Variants in SHANK1 observed in about 807,000 individuals in gnomAD.
SHANK1 encodes the protein SH3 and multiple ankyrin repeat domains protein 1.
Under a neutral mutation model 165.6 loss-of-function variants are expected in SHANK1, and 35 were observed. The observed-to-expected ratio is 0.21, with a 90% CI of 0.16 to 0.28. The LOEUF is 0.28. Ranked by LOEUF, SHANK1 falls within the 10% of genes least tolerant of loss-of-function variation. The probability of loss-of-function intolerance (pLI) is 1.00; values close to 1 mark genes in which losing one functional copy is unlikely to be tolerated. For synonymous variants in SHANK1, 1,428 were observed against 1,384.8 expected, an observed-to-expected ratio of 1.03 and a Z score of -0.69; for missense variants, 2,681 against 3,036.4, an observed-to-expected ratio of 0.88 and a Z score of 2.75.
chr19:50,711,363 A>C lies in SHANK1; in HGVS notation c.1077+8T>G. On this transcript the variant is annotated splice_region_variant and intron_variant, in intron 8 of 23. Transcript: ENST00000293441. ...TGAGGGGCCTGGGGTGGCCGCTGCT[A>C]GGCAGACCTTGTTGTAGAGGGCGCA... 6.5e-7 allele frequency: 1 copy of C among 1,550,254 alleles called. No homozygotes were observed. The highest frequency in any genetic ancestry group is 1.2e-5 in the South Asian group (1 of 84,078).
At chr19:50,687,146 G>A (rs530871351) in intron 19 of SHANK1, 2 of 622,674 alleles carry the variant, frequency 3.2e-6, no homozygotes, top group African/African-American at 2.0e-5. Flanking sequence ...CGGGGTGGGG[G>A]CGGTCAGCTG....
In SHANK1 at chr19:50,660,727, G is replaced by GGGT. The variant is rs1985171618; in HGVS notation, c.*1237_*1238insACC. On this transcript the variant is annotated 3_prime_UTR_variant, in exon 24 of 24. Coordinates refer to ENST00000293441, the MANE Select transcript of SHANK1 (RefSeq NM_016148.5). ...CCGGAGAGCACTGAAAATGCTGGGG[G>GGGT]GGGGGGCGCGTGTGCAAAAGCAAGT... 7.0e-6 allele frequency among the ~76,000 whole-genome samples: 1 copy of GGGT among 143,330 alleles called. No individual in the cohort carries two copies. Among genetic ancestry groups the GGGT allele is most frequent in the Non-Finnish European group, 1.5e-5 (1 of 65,746 alleles). 94.0% of individuals were successfully genotyped at this position (143,330 alleles called of 152,430 possible).
chr19:50,707,555 T>G (rs944864047), intron 8 of SHANK1, among the ~76,000 whole-genome samples: 93 of 123,382 alleles, frequency 7.5e-4, no homozygotes, highest in Admixed American at 7.6e-4. Context: ...CAACCTGGCC[T>G]TCTTCTTCCT....
At chr19:50,689,080 A>AC (rs1321111795) in intron 16 of SHANK1, 112 bp from the exon 17 acceptor site, 26 of 1,106,308 alleles carry the variant, frequency 2.4e-5, no homozygotes, top group Non-Finnish European at 3.5e-5. Flanking sequence ...AGGGACCAGC[A>AC]CCCCGGGGTG....
rs777740266 is a variant in SHANK1 at position 50,667,317 on chromosome 19, G to A, written c.4643C>T (p.Pro1548Leu). Residue 1548 changes from proline to leucine, a missense_variant, in exon 23 of 24, where the codon CCG becomes CTG. Physicochemically the swap from Pro to Leu is moderately conservative, Grantham distance 98. This residue lies in a region of SHANK1 where 1,713 missense variants were observed against 1,630.2 expected (regional missense o/e 1.05). Coordinates refer to ENST00000293441, the MANE Select transcript of SHANK1 (RefSeq NM_016148.5). The surrounding 1 kb of genome is among the most constrained non-coding windows in gnomAD (Gnocchi z 5.7). The part of the protein sequence containing the change: ...EENGLPLLVL[P>L]PPAPSVDVED... ...CACATCCACCGAGGGGGCGGGAGGC[G>A]GCAGGACCAGCAGGGGCAGCCCGTT... 1.3e-6 allele frequency: 2 copies of A among 1,587,502 alleles called. No homozygotes were observed. Among genetic ancestry groups the A allele is most frequent in the East Asian group, 2.2e-5 (1 of 44,602 alleles).
At chr19:50,700,356 G>A (rs988246822) in intron 12 of SHANK1, among the ~76,000 whole-genome samples, 2 of 150,400 alleles carry the variant, frequency 1.3e-5, no homozygotes, top group Non-Finnish European at 3.0e-5. Flanking sequence ...TGGAGGGCTC[G>A]GGGCATAGGA....
chr19:50,704,058 T>C, intron 10 of SHANK1, 62 bp downstream of exon 10: 2 of 1,527,754 alleles, frequency 1.3e-6, no homozygotes, highest in Non-Finnish European at 1.8e-6. Flanking sequence ...AACTCCCCCA[T>C]CCCACCATGA....
rs1985758571 is a variant in SHANK1 at position 50,670,698 on chromosome 19, C to T, written c.2674+1320G>A. Among the ~76,000 whole-genome samples, 1 of 152,186 alleles carries T rather than the reference C, an allele frequency of 6.6e-6. No homozygotes were observed. The highest frequency in any genetic ancestry group is 2.1e-4 in the South Asian group (1 of 4,826). On this transcript the variant is annotated intron_variant, in intron 22 of 23. Coordinates refer to ENST00000293441, the MANE Select transcript of SHANK1 (RefSeq NM_016148.5). The surrounding 1 kb of genome is among the most constrained non-coding windows in gnomAD (Gnocchi z 4.1). Reference sequence around the variant, plus strand: ...TTCTGTAAACGCACCAGACTCAGCCCGACCTCAGGACCTTTGCAGAGGTAG... The same window carrying T: ...TTCTGTAAACGCACCAGACTCAGCCTGACCTCAGGACCTTTGCAGAGGTAG...
intron 23 of SHANK1, among the ~76,000 whole-genome samples, chr19:50,663,428 C>T (rs1169519495): frequency 2.0e-5 from 3 of 152,210 alleles, no homozygotes; most frequent in African/African-American, 7.2e-5. Flanking sequence ...CTGGCTCACT[C>T]TTGCCCTGGG....
chr19:50,695,040 C>G (rs1986687730), intron 15 of SHANK1, among the ~76,000 whole-genome samples: 2 of 147,202 alleles, frequency 1.4e-5, no homozygotes, highest in African/African-American at 4.9e-5. Context: ...ACAAAGCCAT[C>G]GCCGCCGCGG....
At chr19:50,698,573 C>T (rs1163874192) in intron 12 of SHANK1, among the ~76,000 whole-genome samples, 1 of 141,742 alleles carries the variant, frequency 7.1e-6, no homozygotes, top group Admixed American at 7.0e-5. Context: ...CTGCCTGTTA[C>T]ATGCCTGCTG....
At chr19:50,674,031 G>A (rs1355204658) in intron 21 of SHANK1, among the ~76,000 whole-genome samples, 2 of 151,394 alleles carry the variant, frequency 1.3e-5, no homozygotes, top group African/African-American at 2.4e-5. Flanking sequence ...GGGCTCCAGC[G>A]ATCCTCCCAC....
Position 50,666,206 on chromosome 19 carries a change from G to C in SHANK1, c.5754C>G (p.Ser1918=). Residue 1918 remains serine (S), a synonymous_variant, in exon 23 of 24, where the codon TCC becomes TCG. Coordinates refer to ENST00000293441, the MANE Select transcript of SHANK1 (RefSeq NM_016148.5). ...GASYVPERTS[S]LQRQRLSDDS... ...CCCCCGCTTACCTCTGCCGCTGCAG[G>C]GAGGAGGTCCTCTCGGGGACATAGC... The C allele has an allele frequency of 6.2e-7, 1 of 1,600,078 alleles. No individual in the cohort carries two copies. Among genetic ancestry groups the C allele is most frequent in the Non-Finnish European group, 8.5e-7 (1 of 1,173,968 alleles).
intron 12 of SHANK1, among the ~76,000 whole-genome samples, chr19:50,700,012 A>G (rs187905925): frequency 0.076 from 606 of 7,970 alleles, 33 homozygotes; most frequent in Admixed American, 0.1. Flanking sequence ...GAGGGTTGGA[A>G]GGCTCGGGGC....
chr19:50,700,209 G>A (rs1364569361), intron 12 of SHANK1, among the ~76,000 whole-genome samples: 1 of 148,630 alleles, frequency 6.7e-6, no homozygotes, highest in Non-Finnish European at 1.5e-5. Flanking sequence ...AGGACTCGGG[G>A]CATTGGAGGA....
chr19:50,719,544 G>A lies in SHANK1; in HGVS notation c.-182C>T, dbSNP rs1388149562. ...GAGGGCGAGCGGGCCCGGGGAGGGG[G>A]CGGGCGGGGACCGGGGGGGAGGGCG... On this transcript the variant is annotated 5_prime_UTR_variant, in exon 1 of 24. Coordinates refer to ENST00000293441, the MANE Select transcript of SHANK1 (RefSeq NM_016148.5). 7 of 145,880 alleles carry A rather than the reference G, an allele frequency of 4.8e-5. No homozygotes were observed. Among genetic ancestry groups the A allele is most frequent in the Non-Finnish European group, 3.1e-5 (2 of 64,992 alleles). The allele number at this position is 145,880 out of a possible 1,614,324, so 9.0% of individuals were successfully genotyped here. A position where few individuals can be genotyped will look rare whatever the true frequency, so the allele number is the denominator to read the frequency against.
In SHANK1 at chr19:50,669,331, G is replaced by A. The variant is rs781122601; in HGVS notation, c.2675-46C>T. The A allele has an allele frequency of 2.6e-5, 35 of 1,321,284 alleles. No individual in the cohort carries two copies. In the South Asian group the frequency reaches 4.3e-4, roughly 16 times the overall value. The allele number at this position is 1,321,284 out of a possible 1,614,324, so 81.8% of individuals were successfully genotyped here. A position where few individuals can be genotyped will look rare whatever the true frequency, so the allele number is the denominator to read the frequency against. Reference sequence around the variant, plus strand: ...AAGGAGGGGGACCCTGGCGGGGAGGGTCTCCCTGCTCCACTATCCCATAGA... The same window carrying A: ...AAGGAGGGGGACCCTGGCGGGGAGGATCTCCCTGCTCCACTATCCCATAGA... On this transcript the variant is annotated intron_variant, in intron 22 of 23. Coordinates refer to ENST00000293441, the MANE Select transcript of SHANK1 (RefSeq NM_016148.5).
rs748472557 is a variant in SHANK1 at position 50,666,506 on chromosome 19, T to C, written c.5454A>G (p.Val1818=). The C allele has an allele frequency of 6.3e-7, 1 of 1,588,898 alleles. No homozygotes were observed. Among genetic ancestry groups the C allele is most frequent in the African/African-American group, 1.3e-5 (1 of 74,808 alleles). Residue 1818 remains valine (V), a synonymous_variant, in exon 23 of 24, where the codon GTA becomes GTG. Coordinates refer to ENST00000293441, the MANE Select transcript of SHANK1 (RefSeq NM_016148.5). The part of the protein sequence containing the change: ...TAGVAGGPVA[V]EPEVPPVPLP... ...AGGGCACCGGTGGGACTTCTGGCTC[T>C]ACAGCCACCGGACCCCCCGCCACGC...
At chr19:50,678,362 G>C (rs1986047032) in intron 21 of SHANK1, among the ~76,000 whole-genome samples, 1 of 152,040 alleles carries the variant, frequency 6.6e-6, no homozygotes, top group African/African-American at 2.4e-5. Flanking sequence ...AGGCAGGAGA[G>C]GACAGCTGGG....
Sources: allele counts gnomAD v4.1 joint callset (sites outside exome capture counted in the v4.1 genomes callset), GRCh38; gene constraint gnomAD v4.1.1; regional missense constraint gnomAD v4.1.1; non-coding constraint Gnocchi (gnomAD v3.1); transcripts MANE v1.5; gene names NCBI Gene and HGNC (gene_info 2026-07-23, HGNC 2026-07-21).